The following GAK variants were observed in gnomAD, a reference collection of about 807,000 sequenced individuals.
The protein encoded by GAK is cyclin G associated kinase, also known as cyclin-G-associated kinase.
GAK carries 79 observed loss-of-function variants against 143.9 expected under a neutral mutation model. That is an observed-to-expected ratio of 0.55 (90% CI 0.46 to 0.66). The LOEUF (loss-of-function observed/expected upper bound fraction) is 0.66, where lower values mean the gene tolerates loss of function less well. Ranked by LOEUF, GAK falls within the 30% of genes least tolerant of loss-of-function variation. The probability of loss-of-function intolerance (pLI) is 0.00; values close to 1 mark genes in which losing one functional copy is unlikely to be tolerated. For missense variants in GAK, 1,693 were observed against 1,779.7 expected, an observed-to-expected ratio of 0.95 and a Z score of 0.88; for synonymous variants, 881 against 765.5, an observed-to-expected ratio of 1.15 and a Z score of -2.49.
intron 4 of GAK, among the ~76,000 whole-genome samples, chr4:908,004 T>C (rs771735366): frequency 2.6e-5 from 4 of 152,162 alleles, no homozygotes; most frequent in Non-Finnish European, 4.4e-5. Flanking sequence ...CGCCGCTCCC[T>C]CGTGCACATA....
At chr4:900,423 G>A (rs1021322806) in intron 5 of GAK, among the ~76,000 whole-genome samples, 1 of 152,242 alleles carries the variant, frequency 6.6e-6, no homozygotes, top group Non-Finnish European at 1.5e-5. Context: ...CAAGGCCAGT[G>A]CTGTGAAGTG....
chr4:867,237 T>A lies in GAK; in HGVS notation c.2591A>T (p.Glu864Val). The A allele has an allele frequency of 6.2e-7, 1 of 1,612,970 alleles. No homozygotes were observed. ...TGGCAGCACAGCCGGTGTCTCCACC[T>A]CAAAAACCAAGTCCTGCTGCACCAG... ...AGLVQQDLVF[E>V]VETPAVLPEP... Residue 864 changes from glutamate (E) to valine (V), a missense_variant, in exon 21 of 28, where the codon GAG (glutamate) becomes GTG (valine). Transcript: ENST00000314167.
rs192177604 is a variant in GAK at position 882,057 on chromosome 4, C to T, written c.1528-17G>A. On this transcript the variant is annotated splice_polypyrimidine_tract_variant and intron_variant, in intron 14 of 27. Coordinates refer to ENST00000314167, the MANE Select transcript of GAK (RefSeq NM_005255.4). ...TCTCCCGTCCTAGGACAGACAGACA[C>T]GTCTCGCGTGCGCCTCGCACTCATG... 61 of 1,588,782 alleles carry T rather than the reference C, an allele frequency of 3.8e-5. No individual in the cohort carries two copies. In the East Asian group the frequency reaches 9.4e-4, roughly 24 times the overall value.
intron 5 of GAK, among the ~76,000 whole-genome samples, chr4:903,272 C>T (rs1033055869): frequency 6.6e-6 from 1 of 151,722 alleles, no homozygotes; most frequent in African/African-American, 2.4e-5. Flanking sequence ...ATCACGCCAA[C>T]CCCGGGATGC....
chr4:859,761 T>C (rs1265947633), intron 23 of GAK, 39 bp from the exon 24 acceptor site: 1 of 1,447,478 alleles, frequency 6.9e-7, no homozygotes, highest in Non-Finnish European at 9.5e-7. Context: ...AAGCACCATC[T>C]GAAGCGAAAC....
chr4:900,836 G>A (rs1200558074), intron 5 of GAK, among the ~76,000 whole-genome samples: 2 of 152,228 alleles, frequency 1.3e-5, no homozygotes, highest in East Asian at 1.9e-4. Context: ...AGGGAGGGAG[G>A]AAAGGAAGGA....
chr4:849,758 T>C lies in GAK; in HGVS notation c.3851A>G (p.Tyr1284Cys), dbSNP rs370892923. The change falls in exon 28 of 28, where the codon TAC (tyrosine) becomes TGC (cysteine). Residue 1284 changes from tyrosine (Y) to cysteine (C), a missense_variant. By Grantham distance (194) the Tyr-to-Cys change is radical. This residue lies in a region of GAK where 822 missense variants were observed against 788.7 expected (regional missense o/e 1.04). Transcript: ENST00000314167. The part of the protein sequence containing the change: ...VHPDKAAGQP[Y>C]EQHAKMIFME... ...GAAGATCATCTTGGCGTGCTGCTCG[T>C]ACGGCTGCCCCGCAGCCTATGGGTG... 98 of 1,612,830 alleles carry C rather than the reference T, an allele frequency of 6.1e-5. No individual in the cohort carries two copies. The highest frequency in any genetic ancestry group is 1.6e-4 in the Middle Eastern group (1 of 6,080).
intron 1 of GAK, among the ~76,000 whole-genome samples, chr4:917,051 T>C (rs1164539538): frequency 2.0e-5 from 3 of 152,266 alleles, no homozygotes; most frequent in Admixed American, 6.5e-5. Flanking sequence ...AAAGGCAGTA[T>C]GCCGAGTAAA....
chr4:862,344 A>G (rs1212693937), intron 23 of GAK, among the ~76,000 whole-genome samples: 2 of 152,146 alleles, frequency 1.3e-5, no homozygotes, highest in African/African-American at 4.8e-5. Flanking sequence ...CCATGCAGAT[A>G]TAAGACGGCC....
chr4:912,442 C>T (rs995838676), intron 3 of GAK: 5 of 410,344 alleles, frequency 1.2e-5, no homozygotes, highest in Admixed American at 3.6e-5. Flanking sequence ...GGGCAAGGGC[C>T]CCCTGTGGTA....
At chr4:890,946 ATTT>A (rs35262185) in intron 9 of GAK, among the ~76,000 whole-genome samples, 2 of 131,974 alleles carry the variant, frequency 1.5e-5, no homozygotes, top group Admixed American at 1.5e-4. Flanking sequence ...TCCAACCAAC[ATTT>A]TTTTTTTTTT....
chr4:849,819 G>A (rs763450615), intron 27 of GAK, 45 bp from the exon 28 acceptor site: 1 of 1,518,136 alleles, frequency 6.6e-7, no homozygotes, highest in Non-Finnish European at 9.0e-7. Context: ...AGCATGCGGG[G>A]GCGGGCGGGG....
At chr4:907,493 T>C (rs915156291) in intron 4 of GAK, among the ~76,000 whole-genome samples, 2 of 152,240 alleles carry the variant, frequency 1.3e-5, no homozygotes, top group African/African-American at 4.8e-5. Context: ...CCCTCTACGC[T>C]GGCCATCATG....
Position 865,018 on chromosome 4 carries a change from CT to C in GAK, c.3166+103del, listed in dbSNP as rs1315218972. The C allele has an allele frequency of 9.0e-6, 13 of 1,447,562 alleles. No individual in the cohort carries two copies. The East Asian group carries it at 3.1e-4, about 34-fold the overall frequency. 89.7% of individuals were successfully genotyped at this position (1,447,562 alleles called of 1,614,324 possible). ...CCAAGCACGCCCCAGCCCTTCCTTC[CT>C]TCTCTGCGCAGAGAGGGCCCTGTTA... On this transcript the variant is annotated intron_variant, in intron 23 of 27. Coordinates refer to ENST00000314167, the MANE Select transcript of GAK (RefSeq NM_005255.4).
At chr4:912,426 C>T (rs1044506697) in intron 3 of GAK, 5 of 388,404 alleles carry the variant, frequency 1.3e-5, no homozygotes, top group African/African-American at 6.2e-5. Context: ...CTGAGGGGGC[C>T]GGGCCGGGCA....
At chr4:893,742 G>C in intron 8 of GAK, 132 bp downstream of exon 8, 1 of 1,133,818 alleles carries the variant, frequency 8.8e-7, no homozygotes, top group Non-Finnish European at 1.2e-6. Flanking sequence ...CCCCAGGGAT[G>C]TTGTCAAAAC....
At chr4:903,609 G>C (rs1720408117) in intron 5 of GAK, among the ~76,000 whole-genome samples, 1 of 150,026 alleles carries the variant, frequency 6.7e-6, no homozygotes, top group South Asian at 2.1e-4. Context: ...CGTGGGATGA[G>C]CAGGAATGCG....
intron 4 of GAK, among the ~76,000 whole-genome samples, chr4:908,026 C>CA (rs1262847478): frequency 1.3e-5 from 2 of 152,230 alleles, no homozygotes; most frequent in Admixed American, 1.3e-4. Context: ...CCTGGGAACA[C>CA]ACTGGACGCC....
Position 849,495 on chromosome 4 carries a change from A to G in GAK, c.*178T>C, listed in dbSNP as rs1343367913. The G allele has an allele frequency of 1.2e-5, 7 of 587,754 alleles. No homozygotes were observed. In the African/African-American group the frequency reaches 1.3e-4, roughly 11 times the overall value. The allele number at this position is 587,754 out of a possible 1,614,324, so 36.4% of individuals were successfully genotyped here. A position where few individuals can be genotyped will look rare whatever the true frequency, so the allele number is the denominator to read the frequency against. ...AGGAGAAAAAGGAAACAACAATCAG[A>G]GGCTTTGGAATGCTTTCTCTTCATG... is the stretch of plus-strand genomic sequence containing the variant. On this transcript the variant is annotated 3_prime_UTR_variant, in exon 28 of 28. Transcript: ENST00000314167.
Sources: gnomAD v4.1 joint callset for allele counts (sites outside exome capture counted in the v4.1 genomes callset) on GRCh38, gnomAD v4.1.1 for gene constraint, gnomAD v4.1.1 regional missense constraint, MANE v1.5 for transcripts, NCBI Gene and HGNC (gene_info 2026-07-23, HGNC 2026-07-21) for gene names.